Variants in EYS observed in about 807,000 individuals in gnomAD.
The protein encoded by EYS is EGF-like photoreceptor maintenance factor, also known as protein eyes shut homolog.
A neutral mutation model predicts 282.1 loss-of-function variants in EYS; 250 were observed. The ratio of observed to expected loss-of-function variants is 0.89; its 90% CI spans 0.80 to 0.98. EYS has a LOEUF of 0.98. Ranked by LOEUF, EYS falls within the 50% of genes least tolerant of loss-of-function variation. The pLI is 0.00. For missense variants in EYS, 4,016 were observed against 3,709.0 expected, an observed-to-expected ratio of 1.08 and a Z score of -2.15; for synonymous variants, 1,355 against 1,282.9, an observed-to-expected ratio of 1.06 and a Z score of -1.20.
chr6:65,601,215 A>C (rs1346267848), intron 2 of EYS, among the ~76,000 whole-genome samples: 2 of 151,986 alleles, frequency 1.3e-5, no homozygotes, highest in Non-Finnish European at 1.5e-5. Context: ...GATTAAATAC[A>C]TTAAGGTTAA....
intron 31 of EYS, among the ~76,000 whole-genome samples, chr6:64,168,738 A>G (rs1764379929): frequency 6.6e-6 from 1 of 152,224 alleles, no homozygotes; most frequent in Non-Finnish European, 1.5e-5. Flanking sequence ...TACTTGGGGT[A>G]AGGGATGACA....
At chr6:64,412,025 G>A (rs1370096200) in intron 28 of EYS, among the ~76,000 whole-genome samples, 1 of 93,874 alleles carries the variant, frequency 1.1e-5, no homozygotes, top group African/African-American at 3.5e-5. Flanking sequence ...GAATTCAAGA[G>A]GAATGAATTG....
rs138570867 is a variant in EYS at position 64,811,045 on chromosome 6, C to T, written c.3443+2333G>A. Among the ~76,000 whole-genome samples, 341 of 152,168 alleles carry T rather than the reference C, an allele frequency of 2.2e-3. 6 individuals carry two copies. The highest frequency in any genetic ancestry group is 7.7e-3 in the African/African-American group (319 of 41,536). On this transcript the variant is annotated intron_variant, in intron 22 of 42. Coordinates refer to ENST00000503581, the MANE Select transcript of EYS (RefSeq NM_001142800.2). ...TTTATTATGATTTTACATAAACATA[C>T]TATGGATTAACCCTTAACCCATGAA...
intron 6 of EYS, among the ~76,000 whole-genome samples, chr6:65,403,405 T>C (rs1766593636): frequency 6.6e-6 from 1 of 151,642 alleles, no homozygotes; most frequent in South Asian, 2.1e-4. Flanking sequence ...TTGTTATCCT[T>C]ATCATCATCA....
At chr6:65,072,848 TA>T (rs1484353102) in intron 12 of EYS, among the ~76,000 whole-genome samples, 10 of 151,160 alleles carry the variant, frequency 6.6e-5, no homozygotes, top group Admixed American at 4.0e-4. Context: ...AAGAAAGAGA[TA>T]AAAATGATTT....
intron 22 of EYS, among the ~76,000 whole-genome samples, chr6:64,643,578 T>C (rs1466228389): frequency 6.6e-6 from 1 of 152,168 alleles, no homozygotes; most frequent in Non-Finnish European, 1.5e-5. Context: ...ACATATCCCC[T>C]GATACGGTTT....
At chr6:65,332,227 A>T in intron 11 of EYS, 1 of 586,412 alleles carries the variant, frequency 1.7e-6, no homozygotes, top group Admixed American at 2.8e-5. Context: ...CTGTAATACA[A>T]TTTTTTTCTC....
chr6:64,616,152 A>G (rs1053689199), intron 24 of EYS, among the ~76,000 whole-genome samples: 3 of 152,118 alleles, frequency 2.0e-5, no homozygotes, highest in Non-Finnish European at 4.4e-5. Context: ...ATTCCTACGT[A>G]TCTAAGGCTG....
At chr6:65,194,593 C>T (rs1055647956) in intron 12 of EYS, among the ~76,000 whole-genome samples, 7 of 151,932 alleles carry the variant, frequency 4.6e-5, no homozygotes, top group African/African-American at 1.7e-4. Flanking sequence ...TCAGGACCTC[C>T]AGCAGAAATC....
chr6:65,410,669 G>A (rs1766954685), intron 5 of EYS, among the ~76,000 whole-genome samples: 1 of 143,724 alleles, frequency 7.0e-6, no homozygotes, highest in Non-Finnish European at 1.5e-5. Context: ...GTGTTTCTGT[G>A]TCTGGCCTAT....
chr6:64,552,788 G>C (rs994969045), intron 26 of EYS, among the ~76,000 whole-genome samples: 2 of 150,156 alleles, frequency 1.3e-5, no homozygotes, highest in South Asian at 4.2e-4. Context: ...GCATGGTGGC[G>C]CATGCCTGTA....
intron 36 of EYS, among the ~76,000 whole-genome samples, chr6:63,812,110 C>T (rs1771062680): frequency 6.6e-6 from 1 of 152,178 alleles, no homozygotes; most frequent in Admixed American, 6.5e-5. Flanking sequence ...CAGCATTTTC[C>T]ATTGAAGTTT....
intron 26 of EYS, among the ~76,000 whole-genome samples, chr6:64,481,832 T>C (rs1031103999): frequency 6.6e-6 from 1 of 151,654 alleles, no homozygotes; most frequent in African/African-American, 2.4e-5. Flanking sequence ...ACCTACTTTG[T>C]GCAAATAAAA....
chr6:65,199,873 GA>G (rs1293931795), intron 12 of EYS, among the ~76,000 whole-genome samples: 1 of 152,092 alleles, frequency 6.6e-6, no homozygotes, highest in Non-Finnish European at 1.5e-5. Flanking sequence ...AGATGAGGTT[GA>G]AACAGGAAAC....
chr6:64,806,480 T>C (rs762983308), intron 22 of EYS, among the ~76,000 whole-genome samples: 18 of 152,072 alleles, frequency 1.2e-4, no homozygotes, highest in Non-Finnish European at 1.9e-4. Context: ...CCTAAGAATA[T>C]ATAATTTAAA....
intron 12 of EYS, among the ~76,000 whole-genome samples, chr6:65,290,262 A>G (rs1230792276): frequency 6.6e-6 from 1 of 151,088 alleles, no homozygotes; most frequent in Non-Finnish European, 1.5e-5. Context: ...CATATAAAGT[A>G]TTAAACAAAA....
intron 5 of EYS, among the ~76,000 whole-genome samples, chr6:65,416,576 A>G (rs1562166002): frequency 3.3e-5 from 5 of 152,036 alleles, no homozygotes; most frequent in Admixed American, 1.3e-4. Flanking sequence ...AACAATGTGC[A>G]TATATCCATA....
At chr6:65,528,581 C>G (rs1283212162) in intron 2 of EYS, among the ~76,000 whole-genome samples, 1 of 152,198 alleles carries the variant, frequency 6.6e-6, no homozygotes, top group Non-Finnish European at 1.5e-5. Context: ...TTGCCTTCTG[C>G]CATGTCATGG....
chr6:64,308,524 C>T (rs1290129153), intron 29 of EYS, among the ~76,000 whole-genome samples: 3 of 151,876 alleles, frequency 2.0e-5, no homozygotes, highest in Non-Finnish European at 4.4e-5. Flanking sequence ...CTTAGGTGAA[C>T]CAAATTATGA....
Sources: allele counts gnomAD v4.1 joint callset (sites outside exome capture counted in the v4.1 genomes callset), GRCh38; gene constraint gnomAD v4.1.1; transcripts MANE v1.5; gene names NCBI Gene and HGNC (gene_info 2026-07-23, HGNC 2026-07-21).